The following ZFP69B variants were observed in gnomAD, a reference collection of about 807,000 sequenced individuals.
ZFP69B encodes zinc finger protein 69 homolog B.
Under a neutral mutation model 19.7 loss-of-function variants are expected in ZFP69B, and 20 were observed. The ratio of observed to expected loss-of-function variants is 1.02; its 90% CI spans 0.71 to 1.48. The LOEUF (loss-of-function observed/expected upper bound fraction) is 1.48, where lower values mean the gene tolerates loss of function less well. Ranked by LOEUF, ZFP69B falls within the 40% of genes most tolerant of loss-of-function variation. The probability of loss-of-function intolerance (pLI) is 0.00; values close to 1 mark genes in which losing one functional copy is unlikely to be tolerated. For missense variants in ZFP69B, 583 were observed against 632.6 expected, an observed-to-expected ratio of 0.92 and a Z score of 0.84; for synonymous variants, 220 against 222.7, an observed-to-expected ratio of 0.99 and a Z score of 0.11.
At chr1:40,457,197 A>C (rs1387270910) in intron 3 of ZFP69B, 126 bp downstream of exon 3, 2 of 1,511,248 alleles carry the variant, frequency 1.3e-6, no homozygotes, top group African/African-American at 1.4e-5. Flanking sequence ...CTGAACACCC[A>C]GTCAGGATTG....
intron 3 of ZFP69B, 117 bp from the exon 4 acceptor site, chr1:40,457,227 G>T: frequency 6.7e-7 from 1 of 1,481,624 alleles, no homozygotes; most frequent in African/African-American, 1.4e-5. Flanking sequence ...TTTCTGCTCT[G>T]TTCTTTCTAC....
chr1:40,457,544 A>C (rs1645245459), intron 4 of ZFP69B, 105 bp downstream of exon 4: 4 of 839,106 alleles, frequency 4.8e-6, no homozygotes. Flanking sequence ...TGGTACATTC[A>C]AGAAAGTTGA....
Position 40,462,619 on chromosome 1 carries a change from T to C in ZFP69B, c.635T>C (p.Met212Thr), listed in dbSNP as rs904715631. ...QRMGKGQIPL[M>T]CKKTFTQERG... is the part of the protein sequence containing the mutation. ...ATGGGTAAGGGGCAAATCCCCCTGATGTGCAAGAAAACATTCACTCAGGAG... is the reference window on the plus strand; with the variant it reads ...ATGGGTAAGGGGCAAATCCCCCTGACGTGCAAGAAAACATTCACTCAGGAG... Residue 212 changes from methionine to threonine, a missense_variant, in exon 5 of 5, where the codon ATG becomes ACG. Physicochemically the swap from Met to Thr is moderately conservative, Grantham distance 81. Coordinates refer to ENST00000361584, the MANE Select transcript of ZFP69B (RefSeq NM_023070.3). 1 of 1,613,852 alleles carries C rather than the reference T, an allele frequency of 6.2e-7. No individual in the cohort carries two copies. Among genetic ancestry groups the C allele is most frequent in the African/African-American group, 1.3e-5 (1 of 74,908 alleles).
Position 40,463,148 on chromosome 1 carries a change from GAAACCTTTTAC to G in ZFP69B, c.1166_1176del (p.Lys389MetfsTer12). ...AGCATTTGAGAACTCATGTTAGAGAGAAACCTTTTACATGCAAAGACTGTGGAAAAGCGTTT... is the reference window on the plus strand; with the variant it reads ...AGCATTTGAGAACTCATGTTAGAGAGATGCAAAGACTGTGGAAAAGCGTTT... On this transcript the variant is annotated frameshift_variant, in exon 5 of 5. Transcript: ENST00000361584. LOFTEE classifies it low-confidence loss of function (END_TRUNC). 6.2e-7 allele frequency: 1 copy of G among 1,614,148 alleles called. No homozygotes were observed. The highest frequency in any genetic ancestry group is 8.5e-7 in the Non-Finnish European group (1 of 1,180,008).
At chr1:40,461,490 A>G (rs930176159) in intron 4 of ZFP69B, among the ~76,000 whole-genome samples, 12 of 152,114 alleles carry the variant, frequency 7.9e-5, no homozygotes, top group African/African-American at 2.9e-4. Flanking sequence ...TTGAGATGAT[A>G]TGATGTTAGA....
At chr1:40,455,545 G>C (rs976013931) in intron 2 of ZFP69B, among the ~76,000 whole-genome samples, 1 of 152,160 alleles carries the variant, frequency 6.6e-6, no homozygotes, top group African/African-American at 2.4e-5. Context: ...TGTTATTTCA[G>C]CCTTCCAGCT....
chr1:40,454,105 G>T (rs553349534), intron 1 of ZFP69B, 98 bp from the exon 2 acceptor site: 289 of 856,562 alleles, frequency 3.4e-4, no homozygotes, highest in Non-Finnish European at 4.3e-4. Flanking sequence ...GTTTGTGAAC[G>T]TTTTTGGGGA....
At chr1:40,450,175 G>A (rs1420433277), upstream of ZFP69B, 1 of 152,306 alleles carries the variant, frequency 6.6e-6, no homozygotes, top group Non-Finnish European at 1.5e-5. Flanking sequence ...GCGGGGAGAG[G>A]GTGAGCGGGT....
At chr1:40,458,506 G>T (rs543924283) in intron 4 of ZFP69B, among the ~76,000 whole-genome samples, 2 of 147,474 alleles carry the variant, frequency 1.4e-5, no homozygotes, top group Admixed American at 1.3e-4. Context: ...CTGATCTGGA[G>T]AAATTGTTTT....
intron 2 of ZFP69B, among the ~76,000 whole-genome samples, chr1:40,456,149 A>G (rs369123890): frequency 9.9e-5 from 15 of 152,104 alleles, no homozygotes; most frequent in African/African-American, 3.4e-4. Context: ...GTCAAATGGT[A>G]TTGCTGGTTC....
intron 4 of ZFP69B, among the ~76,000 whole-genome samples, chr1:40,460,410 ATTAT>A (rs1645271036): frequency 1.3e-5 from 2 of 152,212 alleles, no homozygotes; most frequent in Admixed American, 1.3e-4. Context: ...AGGCAGGAGA[ATTAT>A]TTGAGTCGAG....
At chr1:40,457,156 C>T (rs1265954988) in intron 3 of ZFP69B, 85 bp downstream of exon 3, 28 of 1,573,280 alleles carry the variant, frequency 1.8e-5, no homozygotes, top group South Asian at 4.7e-5. Flanking sequence ...TTTGGGCTTT[C>T]GGTTCTGTAT....
chr1:40,461,377 T>C (rs995960992), intron 4 of ZFP69B, among the ~76,000 whole-genome samples: 1 of 152,222 alleles, frequency 6.6e-6, no homozygotes, highest in African/African-American at 2.4e-5. Context: ...AGTGCATTCC[T>C]ACATTATTCA....
intron 1 of ZFP69B, 107 bp from the exon 2 acceptor site, chr1:40,454,096 T>A: frequency 1.4e-6 from 1 of 710,908 alleles, no homozygotes; most frequent in Non-Finnish European, 2.1e-6. Context: ...AATGTCCCTG[T>A]TTGTGAACGT....
intron 2 of ZFP69B, among the ~76,000 whole-genome samples, chr1:40,455,764 A>G (rs1645226706): frequency 6.6e-6 from 1 of 151,972 alleles, no homozygotes; most frequent in Non-Finnish European, 1.5e-5. Flanking sequence ...CCTAGCCCCC[A>G]TCCCCTGACA....
intron 2 of ZFP69B, among the ~76,000 whole-genome samples, chr1:40,456,415 T>A (rs1351402219): frequency 6.6e-6 from 1 of 152,238 alleles, no homozygotes; most frequent in Non-Finnish European, 1.5e-5. Context: ...AATAGACACT[T>A]ATACTTCTTA....
At chr1:40,458,503 G>A (rs759680991) in intron 4 of ZFP69B, among the ~76,000 whole-genome samples, 23 of 149,452 alleles carry the variant, frequency 1.5e-4, no homozygotes, top group Non-Finnish European at 1.0e-4. Context: ...ACACTGATCT[G>A]GAGAAATTGT....
At chr1:40,453,754 C>CCCA (rs1490524205) in intron 1 of ZFP69B, among the ~76,000 whole-genome samples, 1 of 152,160 alleles carries the variant, frequency 6.6e-6, no homozygotes, top group Non-Finnish European at 1.5e-5. Context: ...CGCCTGTAAT[C>CCCA]CCAGCTACTC....
chr1:40,457,259 G>T (rs1645241956), intron 3 of ZFP69B, 85 bp from the exon 4 acceptor site: 1 of 1,512,294 alleles, frequency 6.6e-7, no homozygotes, highest in Admixed American at 1.8e-5. Flanking sequence ...TTCTTTAGAA[G>T]GCCCGAATAC....
Sources: allele counts gnomAD v4.1 joint callset (sites outside exome capture counted in the v4.1 genomes callset), GRCh38; gene constraint gnomAD v4.1.1; transcripts MANE v1.5; gene names NCBI Gene and HGNC (gene_info 2026-07-23, HGNC 2026-07-21).